Variants in SLC7A8 observed in about 807,000 individuals in gnomAD.
SLC7A8 encodes the protein solute carrier family 7 member 8, also known as large neutral amino acids transporter small subunit 2.
SLC7A8 carries 30 observed loss-of-function variants against 51.2 expected under a neutral mutation model. The ratio of observed to expected loss-of-function variants is 0.59; its 90% CI spans 0.44 to 0.80. The LOEUF (loss-of-function observed/expected upper bound fraction) is 0.80, where lower values mean the gene tolerates loss of function less well. Ranked by LOEUF, SLC7A8 falls within the 30% of genes least tolerant of loss-of-function variation. The probability of loss-of-function intolerance (pLI) is 0.00; values close to 1 mark genes in which losing one functional copy is unlikely to be tolerated. For synonymous variants in SLC7A8, 257 were observed against 275.8 expected (o/e 0.93, Z 0.67); for missense variants, 612 against 674.4 (o/e 0.91, Z 1.03).
chr14:23,163,163 A>G (rs1051855151), intron 3 of SLC7A8, among the ~76,000 whole-genome samples: 1 of 152,128 alleles, frequency 6.6e-6, no homozygotes, highest in African/African-American at 2.4e-5. Flanking sequence ...GCCCACCCCC[A>G]GTGACTGATA....
intron 3 of SLC7A8, among the ~76,000 whole-genome samples, chr14:23,145,391 T>C (rs190208004): frequency 6.9e-4 from 104 of 151,266 alleles, no homozygotes; most frequent in African/African-American, 2.2e-3. Flanking sequence ...CTGGGCGTGG[T>C]GGTGGCGCGC....
At chr14:23,167,638 C>T (rs1359743928) in intron 1 of SLC7A8, among the ~76,000 whole-genome samples, 3 of 152,104 alleles carry the variant, frequency 2.0e-5, no homozygotes, top group Non-Finnish European at 4.4e-5. Context: ...CTGTCCACTT[C>T]TTGTGGTAAA....
chr14:23,178,991 T>C (rs967685834), intron 1 of SLC7A8, among the ~76,000 whole-genome samples: 4 of 151,620 alleles, frequency 2.6e-5, no homozygotes, highest in Non-Finnish European at 4.4e-5. Flanking sequence ...ACTACAGGTA[T>C]CCACCACCAC....
chr14:23,132,637 C>CT (rs547398613), intron 7 of SLC7A8, among the ~76,000 whole-genome samples: 2,233 of 140,350 alleles, frequency 0.016, 47 homozygotes, highest in African/African-American at 0.047. Flanking sequence ...TTATGATCTG[C>CT]TTTTTTTTTT....
chr14:23,137,773 G>A (rs1222451894), intron 7 of SLC7A8, 148 bp downstream of exon 7: 8 of 928,472 alleles, frequency 8.6e-6, no homozygotes, highest in South Asian at 8.2e-5. Flanking sequence ...TGACACACAC[G>A]CCCTCATGTG....
chr14:23,136,596 G>A (rs533903030), intron 7 of SLC7A8, among the ~76,000 whole-genome samples: 1 of 152,344 alleles, frequency 6.6e-6, no homozygotes, highest in East Asian at 1.9e-4. Flanking sequence ...GAAGGAAGAA[G>A]GAACTGGAAA....
intron 3 of SLC7A8, among the ~76,000 whole-genome samples, chr14:23,163,610 C>A (rs1037746412): frequency 6.6e-6 from 1 of 152,126 alleles, no homozygotes; most frequent in African/African-American, 2.4e-5. Context: ...CTTCCTCCCC[C>A]ATCCCGTAAC....
intron 1 of SLC7A8, among the ~76,000 whole-genome samples, chr14:23,180,088 A>G (rs979397517): frequency 2.0e-5 from 3 of 151,856 alleles, no homozygotes; most frequent in East Asian, 3.9e-4. Context: ...TGTATTTTTT[A>G]GTAGAGACGA....
chr14:23,172,964 AT>A (rs142055248), intron 1 of SLC7A8, among the ~76,000 whole-genome samples: 2,658 of 152,212 alleles, frequency 0.017, 36 homozygotes, highest in Non-Finnish European at 0.023. Context: ...GGAATAACTC[AT>A]TTTTAAACAG....
In SLC7A8 at chr14:23,139,558, A is replaced by C; in HGVS notation, c.789-11T>G. The stretch of plus-strand genomic sequence containing the variant: ...GCTCTGGGAAGGTTCCTGTAGAGGG[A>C]GAGGAGGTGAGGGGAAGGGCTGGCA... On this transcript the variant is annotated splice_polypyrimidine_tract_variant and intron_variant, in intron 5 of 10. Coordinates refer to ENST00000316902, the MANE Select transcript of SLC7A8 (RefSeq NM_012244.4). The C allele has an allele frequency of 6.2e-7, 1 of 1,610,928 alleles. No homozygotes were observed.
At chr14:23,137,178 C>T (rs980949117) in intron 7 of SLC7A8, among the ~76,000 whole-genome samples, 1 of 152,198 alleles carries the variant, frequency 6.6e-6, no homozygotes, top group Admixed American at 6.5e-5. Context: ...AAAGAAAGGG[C>T]CGGGTCCCTG....
intron 7 of SLC7A8, among the ~76,000 whole-genome samples, 178 bp downstream of exon 7, chr14:23,137,743 A>G (rs2140309468): frequency 6.6e-6 from 1 of 152,274 alleles, no homozygotes; most frequent in East Asian, 1.9e-4. Context: ...TGAGCAGCAC[A>G]CACTCCTCAG....
chr14:23,137,180 G>A (rs866227677), intron 7 of SLC7A8, among the ~76,000 whole-genome samples: 3 of 152,152 alleles, frequency 2.0e-5, no homozygotes, highest in South Asian at 2.1e-4. Flanking sequence ...AGAAAGGGCC[G>A]GGTCCCTGGA....
intron 7 of SLC7A8, among the ~76,000 whole-genome samples, chr14:23,136,448 G>A (rs2048690798): frequency 1.3e-5 from 2 of 152,158 alleles, no homozygotes; most frequent in Admixed American, 6.5e-5. Flanking sequence ...TCCTTGCCCA[G>A]CTAGCCGATA....
intron 3 of SLC7A8, among the ~76,000 whole-genome samples, chr14:23,144,341 A>AATTTT (rs375223021): frequency 4.4e-5 from 5 of 114,352 alleles, no homozygotes; most frequent in Admixed American, 9.1e-5. Context: ...TTTAAACACA[A>AATTTT]TTTTTTTTTT....
intron 3 of SLC7A8, among the ~76,000 whole-genome samples, chr14:23,153,437 T>C (rs2048864692): frequency 6.6e-6 from 1 of 152,062 alleles, no homozygotes; most frequent in Admixed American, 6.6e-5. Context: ...TCCCACATCA[T>C]CTCTCCTCCT....
rs150912858 is a variant in SLC7A8 at position 23,141,152 on chromosome 14, G to A, written c.635-528C>T. On this transcript the variant is annotated intron_variant, in intron 4 of 10. Transcript: ENST00000316902. ...TTTAAAAAGTTAGCTGGGTGTGGTG[G>A]TGCATGCCTATAGGCTCACCTATTT... 4.3e-3 allele frequency among the ~76,000 whole-genome samples: 662 copies of A among 152,274 alleles called. 3 individuals carry two copies. Among genetic ancestry groups the A allele is most frequent in the Non-Finnish European group, 8.1e-3 (550 of 68,036 alleles).
intron 7 of SLC7A8, among the ~76,000 whole-genome samples, chr14:23,136,455 G>A (rs779913150): frequency 1.3e-5 from 2 of 152,138 alleles, no homozygotes; most frequent in Admixed American, 6.5e-5. Flanking sequence ...CCAGCTAGCC[G>A]ATAACGGAGG....
chr14:23,132,181 TTC>T (rs2048642519), intron 7 of SLC7A8, among the ~76,000 whole-genome samples: 4 of 151,852 alleles, frequency 2.6e-5, no homozygotes, highest in African/African-American at 9.7e-5. Context: ...TTTTTGTATT[TTC>T]AGTAGAGACG....
Sources: gnomAD v4.1 joint callset for allele counts (sites outside exome capture counted in the v4.1 genomes callset) on GRCh38, gnomAD v4.1.1 for gene constraint, MANE v1.5 for transcripts, NCBI Gene and HGNC (gene_info 2026-07-23, HGNC 2026-07-21) for gene names.